Variants in ADTRP observed in about 807,000 individuals in gnomAD.
The protein encoded by ADTRP is androgen dependent TFPI regulating protein.
ADTRP carries 20 observed loss-of-function variants against 27.0 expected under a neutral mutation model. The ratio of observed to expected loss-of-function variants is 0.74; its 90% CI spans 0.52 to 1.08. The LOEUF (loss-of-function observed/expected upper bound fraction) is 1.08. Ranked by LOEUF, ADTRP falls within the 50% of genes least tolerant of loss-of-function variation. The pLI is 0.00. For synonymous variants in ADTRP, 101 were observed against 105.2 expected (o/e 0.96, Z 0.25); for missense variants, 251 against 275.0 (o/e 0.91, Z 0.62).
At chr6:11,743,196 G>GTT (rs962464887) in intron 3 of ADTRP, among the ~76,000 whole-genome samples, 1 of 152,216 alleles carries the variant, frequency 6.6e-6, no homozygotes, top group East Asian at 1.9e-4. Flanking sequence ...AATTTCATGT[G>GTT]TTTTTTTCCC....
intron 5 of ADTRP, among the ~76,000 whole-genome samples, chr6:11,719,959 C>T (rs1761963676): frequency 6.6e-6 from 1 of 152,126 alleles, no homozygotes; most frequent in Non-Finnish European, 1.5e-5. Flanking sequence ...TCTCCGTGAG[C>T]CCAGGAGGAG....
Position 11,717,468 on chromosome 6 carries a change from T to C in ADTRP, c.659-2956A>G, listed in dbSNP as rs997866014. ...TCAATCAACATCACCATAGATACCATATATAATTATATGCCTTATTATTCC... is the reference window on the plus strand; with the variant it reads ...TCAATCAACATCACCATAGATACCACATATAATTATATGCCTTATTATTCC... On this transcript the variant is annotated intron_variant, in intron 5 of 5. Transcript: ENST00000414691. The C allele has an allele frequency of 2.3e-6, 3 of 1,283,880 alleles. No individual in the cohort carries two copies. The African/African-American group carries it at 4.6e-5, about 20-fold the overall frequency. The allele number at this position is 1,283,880 out of a possible 1,614,324, so 79.5% of individuals were successfully genotyped here. A position where few individuals can be genotyped will look rare whatever the true frequency, so the allele number is the denominator to read the frequency against.
rs1469062998 is a variant in ADTRP at position 11,735,655 on chromosome 6, G to T, written c.419C>A (p.Ala140Asp). 1 of 1,613,840 alleles carries T rather than the reference G, an allele frequency of 6.2e-7. No individual in the cohort carries two copies. The highest frequency in any genetic ancestry group is 8.5e-7 in the Non-Finnish European group (1 of 1,179,840). Residue 140 changes from alanine to aspartate, a missense_variant, in exon 4 of 6, where the codon GCT becomes GAT. Coordinates refer to ENST00000414691, the MANE Select transcript of ADTRP (RefSeq NM_032744.4). The stretch of plus-strand genomic sequence containing the variant: ...GGAGTGAGGCCTGAGGACGACTTCA[G>T]CCAATGTGATGGGGAATATGAAAGT... ...MHTFIFPITL[A>D]EVVLRPHSYP...
chr6:11,719,402 T>G (rs188068633), intron 5 of ADTRP, among the ~76,000 whole-genome samples: 2 of 152,312 alleles, frequency 1.3e-5, no homozygotes, highest in Admixed American at 1.3e-4. Context: ...GGATCCCGAT[T>G]GCAAGTTAAA....
chr6:11,746,508 G>T (rs210924), intron 3 of ADTRP, among the ~76,000 whole-genome samples: 48,117 of 151,948 alleles, frequency 0.32, 9,674 homozygotes, highest in East Asian at 0.66. Context: ...ACTCCCCAAA[G>T]TTGTGACAAT....
At chr6:11,764,662 T>TA in intron 3 of ADTRP, among the ~76,000 whole-genome samples, 1 of 152,210 alleles carries the variant, frequency 6.6e-6, no homozygotes, top group South Asian at 2.1e-4. Context: ...GTTCTGGACT[T>TA]ACTGCAGCAA....
chr6:11,724,382 A>G (rs1238176817), intron 4 of ADTRP, among the ~76,000 whole-genome samples: 1 of 152,222 alleles, frequency 6.6e-6, no homozygotes. Flanking sequence ...GCATATAGCC[A>G]TAAATAGAGT....
At chr6:11,754,513 A>C (rs1328323494) in intron 3 of ADTRP, among the ~76,000 whole-genome samples, 1 of 152,198 alleles carries the variant, frequency 6.6e-6, no homozygotes, top group Non-Finnish European at 1.5e-5. Context: ...CACGTGACGG[A>C]CGTGTAATAC....
At chr6:11,741,754 C>T (rs1762726823) in intron 3 of ADTRP, among the ~76,000 whole-genome samples, 1 of 151,708 alleles carries the variant, frequency 6.6e-6, no homozygotes, top group African/African-American at 2.4e-5. Context: ...TAGGACCCTA[C>T]AATCAGGAAT....
At chr6:11,743,615 C>T (rs980652955) in intron 3 of ADTRP, among the ~76,000 whole-genome samples, 7 of 152,328 alleles carry the variant, frequency 4.6e-5, no homozygotes, top group African/African-American at 7.2e-5. Flanking sequence ...CTCGTACGTT[C>T]GCCTAATACT....
At chr6:11,766,166 A>C in intron 3 of ADTRP, 108 bp downstream of exon 3, 2 of 779,212 alleles carry the variant, frequency 2.6e-6, no homozygotes, top group Non-Finnish European at 4.1e-6. Flanking sequence ...GATGAGGTAG[A>C]TTGGATGCTG....
At chr6:11,744,956 G>A (rs2113267024) in intron 3 of ADTRP, among the ~76,000 whole-genome samples, 1 of 152,296 alleles carries the variant, frequency 6.6e-6, no homozygotes, top group Admixed American at 6.5e-5. Flanking sequence ...AAAGCACCCT[G>A]TAAGCACAAA....
intron 3 of ADTRP, among the ~76,000 whole-genome samples, chr6:11,750,323 C>T (rs1763004612): frequency 6.6e-6 from 1 of 152,204 alleles, no homozygotes; most frequent in Non-Finnish European, 1.5e-5. Context: ...TGGATTTCAC[C>T]TCTCCCCTCC....
intron 3 of ADTRP, among the ~76,000 whole-genome samples, chr6:11,740,534 G>A (rs2113252600): frequency 6.6e-6 from 1 of 152,258 alleles, no homozygotes; most frequent in African/African-American, 2.4e-5. Flanking sequence ...ATCATATCCA[G>A]GCTTATTATT....
At chr6:11,731,842 C>A (rs79528930) in intron 4 of ADTRP, among the ~76,000 whole-genome samples, 1 of 152,144 alleles carries the variant, frequency 6.6e-6, no homozygotes, top group Non-Finnish European at 1.5e-5. Flanking sequence ...TAAGGATAAA[C>A]CCCCTGCAGG....
chr6:11,722,709 AT>A (rs372093967), intron 5 of ADTRP, among the ~76,000 whole-genome samples: 10 of 151,856 alleles, frequency 6.6e-5, no homozygotes, highest in South Asian at 2.1e-4. Flanking sequence ...AGTTAAGATG[AT>A]TTTTTTTTCT....
At chr6:11,723,666 C>A (rs1762090951) in intron 4 of ADTRP, among the ~76,000 whole-genome samples, 166 bp from the exon 5 acceptor site, 1 of 152,154 alleles carries the variant, frequency 6.6e-6, no homozygotes, top group Non-Finnish European at 1.5e-5. Flanking sequence ...TGAGGCTTTT[C>A]TGGGTAAATC....
intron 3 of ADTRP, among the ~76,000 whole-genome samples, chr6:11,754,318 G>T (rs766147959): frequency 6.6e-6 from 1 of 152,148 alleles, no homozygotes; most frequent in Non-Finnish European, 1.5e-5. Flanking sequence ...TGACAGAAAG[G>T]GGATGAAGCT....
rs369623357 is a variant in ADTRP, at chr6:11,715,569, G to A, written c.659-1057C>T. On this transcript the variant is annotated intron_variant, in intron 5 of 5. Coordinates refer to ENST00000414691, the MANE Select transcript of ADTRP (RefSeq NM_032744.4). ...CTAGACTACCCCAGTCACTTCAGCC[G>A]AGGCTTATTGTTTATCAAGCTTTAT... 2.4e-4 allele frequency among the ~76,000 whole-genome samples: 37 copies of A among 151,944 alleles called. No homozygotes were observed. In the East Asian group the frequency reaches 5.0e-3, roughly 21 times the overall value.
Sources: allele counts gnomAD v4.1 joint callset (sites outside exome capture counted in the v4.1 genomes callset), GRCh38; gene constraint gnomAD v4.1.1; transcripts MANE v1.5; gene names NCBI Gene and HGNC (gene_info 2026-07-23, HGNC 2026-07-21).